The following TSPEAR variants were observed in gnomAD, a reference collection of about 807,000 sequenced individuals.
The protein encoded by TSPEAR is thrombospondin type laminin G domain and EAR repeats, also known as thrombospondin-type laminin G domain and EAR repeat-containing protein.
A neutral mutation model predicts 71.6 loss-of-function variants in TSPEAR; 69 were observed. The observed-to-expected ratio is 0.96, with a 90% CI of 0.79 to 1.18. The LOEUF is 1.18. Among genes scored for constraint, TSPEAR ranks in the 50% most tolerant of loss-of-function variants. TSPEAR has a pLI of 0.00. For synonymous variants in TSPEAR, 402 were observed against 387.2 expected (o/e 1.04, Z -0.45); for missense variants, 971 against 894.9 (o/e 1.09, Z -1.09).
intron 1 of TSPEAR, chr21:44,627,760 T>C (rs782646152): frequency 1.9e-6 from 3 of 1,598,936 alleles, no homozygotes; most frequent in African/African-American, 1.3e-5. Flanking sequence ...CAAACCCATC[T>C]GCTGTGTGCC....
At chr21:44,684,136 G>A (rs922849112) in intron 1 of TSPEAR, among the ~76,000 whole-genome samples, 4 of 152,178 alleles carry the variant, frequency 2.6e-5, no homozygotes, top group East Asian at 1.9e-4. Context: ...TAAGAAAAAC[G>A]CCCTGGCTTC....
intron 9 of TSPEAR, among the ~76,000 whole-genome samples, chr21:44,510,285 T>TA (rs1166156999): frequency 2.6e-5 from 4 of 152,208 alleles, no homozygotes; most frequent in Non-Finnish European, 5.9e-5. Context: ...CAGGCTGTCC[T>TA]AGCTGAGGAC....
chr21:44,623,792 T>C lies in TSPEAR; in HGVS notation c.83-55787A>G, dbSNP rs1555933901. On this transcript the variant is annotated intron_variant, in intron 1 of 11. Coordinates refer to ENST00000323084, the MANE Select transcript of TSPEAR (RefSeq NM_144991.3). The surrounding 1 kb of genome is among the most constrained non-coding windows in gnomAD (Gnocchi z 4.5). ...GAGAAGTCATCTGTAAATGCTATTG[T>C]TGCTTCTTTAAAGGTAATATTTCTT... 6.6e-6 allele frequency among the ~76,000 whole-genome samples: 1 copy of C among 152,238 alleles called. No homozygotes were observed. Among genetic ancestry groups the C allele is most frequent in the Non-Finnish European group, 1.5e-5 (1 of 68,042 alleles).
At chr21:44,518,086 C>T (rs2052639283) in intron 9 of TSPEAR, among the ~76,000 whole-genome samples, 1 of 152,200 alleles carries the variant, frequency 6.6e-6, no homozygotes, top group African/African-American at 2.4e-5. Flanking sequence ...TTAATGCCAG[C>T]AATTGCATTT....
chr21:44,672,224 T>C (rs1385087391), intron 1 of TSPEAR, among the ~76,000 whole-genome samples: 1 of 152,152 alleles, frequency 6.6e-6, no homozygotes, highest in Non-Finnish European at 1.5e-5. Context: ...GCAAATATTC[T>C]AATATTGGAT....
intron 1 of TSPEAR, among the ~76,000 whole-genome samples, chr21:44,637,037 TC>T (rs2036667565): frequency 6.6e-6 from 1 of 152,052 alleles, no homozygotes; most frequent in African/African-American, 2.4e-5. Flanking sequence ...AGGCTGGGCC[TC>T]CCCCAGGCTG....
At chr21:44,705,286 C>G (rs546857073) in intron 1 of TSPEAR, among the ~76,000 whole-genome samples, 1 of 152,246 alleles carries the variant, frequency 6.6e-6, no homozygotes, top group East Asian at 1.9e-4. Context: ...GGGTGTATAT[C>G]ATTCCAGGAC....
At chr21:44,656,601 A>G (rs914714754) in intron 1 of TSPEAR, among the ~76,000 whole-genome samples, 1 of 152,184 alleles carries the variant, frequency 6.6e-6, no homozygotes, top group African/African-American at 2.4e-5. Context: ...ACTGTCTTCA[A>G]TAATTTTTTG....
intron 1 of TSPEAR, among the ~76,000 whole-genome samples, chr21:44,691,976 T>A (rs1446668197): frequency 6.6e-6 from 1 of 152,170 alleles, no homozygotes. Flanking sequence ...ACTAGCAAAG[T>A]GATTCCAACA....
intron 2 of TSPEAR, among the ~76,000 whole-genome samples, chr21:44,554,077 T>C (rs1455941099): frequency 6.6e-6 from 1 of 152,194 alleles, no homozygotes; most frequent in Non-Finnish European, 1.5e-5. Flanking sequence ...AATGTTTGTA[T>C]CCTCCCAAAA....
intron 1 of TSPEAR, chr21:44,627,474 G>A: frequency 1.9e-6 from 3 of 1,542,934 alleles, no homozygotes; most frequent in South Asian, 1.2e-5. Flanking sequence ...CCTGCTGCGT[G>A]CCCGTCTGCT....
At chr21:44,706,612 A>C (rs1326372996) in intron 1 of TSPEAR, among the ~76,000 whole-genome samples, 1 of 151,916 alleles carries the variant, frequency 6.6e-6, no homozygotes, top group Non-Finnish European at 1.5e-5. Flanking sequence ...CGCTTCACCC[A>C]CTTCTCAGAG....
Position 44,695,448 on chromosome 21 carries a change from T to C in TSPEAR, c.82+15985A>G, listed in dbSNP as rs142155272. ...TCAGGCCAGAGGCATCAGCTGGTCC[T>C]CCCTCCCTTGGGCCTCTCCCTGGCC... On this transcript the variant is annotated intron_variant, in intron 1 of 11. Coordinates refer to ENST00000323084, the MANE Select transcript of TSPEAR (RefSeq NM_144991.3). This position sits in a 1 kb window ranked among gnomAD's most constrained non-coding sequence, Gnocchi z 4.5. 7.2e-5 allele frequency among the ~76,000 whole-genome samples: 11 copies of C among 152,140 alleles called. No individual in the cohort carries two copies. The East Asian group carries it at 2.1e-3, about 29-fold the overall frequency.
chr21:44,676,215 G>T, intron 1 of TSPEAR: 2 of 1,315,138 alleles, frequency 1.5e-6, no homozygotes, highest in Non-Finnish European at 2.2e-6. Context: ...CTACCCTTCG[G>T]GCCAGTTTTT....
intron 1 of TSPEAR, chr21:44,677,529 C>T (rs1314621713): frequency 2.4e-6 from 2 of 827,600 alleles, no homozygotes; most frequent in South Asian, 1.4e-5. Context: ...AATTTCTTCA[C>T]ATGGTCGTTC....
At chr21:44,702,677 C>T in intron 1 of TSPEAR, 2 of 1,550,504 alleles carry the variant, frequency 1.3e-6, no homozygotes, top group South Asian at 1.1e-5. Context: ...TCCTGTTGTG[C>T]ACCCGCCTTC....
At chr21:44,559,722 G>A (rs587607922) in intron 2 of TSPEAR, among the ~76,000 whole-genome samples, 13 of 152,232 alleles carry the variant, frequency 8.5e-5, no homozygotes, top group African/African-American at 1.7e-4. Flanking sequence ...GCCTGTGCCC[G>A]GGACCATACC....
At chr21:44,591,543 G>A (rs1555926538) in intron 1 of TSPEAR, 10 of 1,613,594 alleles carry the variant, frequency 6.2e-6, no homozygotes, top group African/African-American at 4.0e-5. Flanking sequence ...CGCAGCAGGT[G>A]GACTTGCACA....
chr21:44,568,685 T>C (rs2053740866), intron 1 of TSPEAR, among the ~76,000 whole-genome samples: 1 of 152,102 alleles, frequency 6.6e-6, no homozygotes, highest in Non-Finnish European at 1.5e-5. Flanking sequence ...ATCAGATCCC[T>C]GGCCCAGGCT....
Sources: allele counts gnomAD v4.1 joint callset (sites outside exome capture counted in the v4.1 genomes callset), GRCh38; gene constraint gnomAD v4.1.1; non-coding constraint Gnocchi (gnomAD v3.1); transcripts MANE v1.5; gene names NCBI Gene and HGNC (gene_info 2026-07-23, HGNC 2026-07-21).